WDR49: variants seen among roughly 807,000 people sequenced by gnomAD.
WDR49 encodes WD repeat domain 49, also known as cilia- and flagella-associated protein 337.
Under a neutral mutation model 119.5 loss-of-function variants are expected in WDR49, and 107 were observed. The ratio of observed to expected loss-of-function variants is 0.90; its 90% CI spans 0.77 to 1.05. WDR49 has a LOEUF of 1.05. WDR49 is among the 50% of genes least tolerant of loss of function. The probability of loss-of-function intolerance (pLI) is 0.00; values close to 1 mark genes in which losing one functional copy is unlikely to be tolerated. For missense variants in WDR49, 1,240 were observed against 1,220.5 expected, an observed-to-expected ratio of 1.02 and a Z score of -0.24; for synonymous variants, 425 against 418.8, an observed-to-expected ratio of 1.01 and a Z score of -0.18.
chr3:167,649,818 T>C (rs375690485), intron 2 of WDR49, among the ~76,000 whole-genome samples: 2 of 152,156 alleles, frequency 1.3e-5, no homozygotes, highest in Non-Finnish European at 2.9e-5. Flanking sequence ...AAAGATTTAG[T>C]AGGGCTTGGG....
chr3:167,532,047 T>C (rs1437887359), intron 12 of WDR49, among the ~76,000 whole-genome samples: 1 of 152,140 alleles, frequency 6.6e-6, no homozygotes, highest in Non-Finnish European at 1.5e-5. Context: ...GATTAGCTCT[T>C]AGTACATAAA....
chr3:167,575,713 T>C (rs1714211148), intron 8 of WDR49, among the ~76,000 whole-genome samples: 1 of 152,258 alleles, frequency 6.6e-6, no homozygotes, highest in African/African-American at 2.4e-5. Context: ...TCACTGCTCC[T>C]GTGGTCACTG....
chr3:167,562,626 G>A (rs1362303108), intron 8 of WDR49, among the ~76,000 whole-genome samples: 1 of 152,134 alleles, frequency 6.6e-6, no homozygotes, highest in East Asian at 1.9e-4. Context: ...ACATTAATTA[G>A]CATTCCATGT....
At chr3:167,646,484 G>A (rs966957969) in intron 2 of WDR49, among the ~76,000 whole-genome samples, 9 of 152,144 alleles carry the variant, frequency 5.9e-5, no homozygotes, top group African/African-American at 9.7e-5. Flanking sequence ...AAGTTAGTAC[G>A]AAGTCATGAG....
rs140883343 is a variant in WDR49, at chr3:167,524,903, C to A, written c.2605-2419G>T. ...TGGCAACATGGGCTCTTTTTCAGTT[C>A]CATATAAAATTTAAAGTAGTTTTTT... On this transcript the variant is annotated intron_variant, in intron 15 of 18. Coordinates refer to ENST00000682715, the MANE Select transcript of WDR49 (RefSeq NM_001366157.1). 2.3e-3 allele frequency among the ~76,000 whole-genome samples: 347 copies of A among 152,130 alleles called. 2 individuals are homozygous for A. Among genetic ancestry groups the A allele is most frequent in the African/African-American group, 8.2e-3 (339 of 41,510 alleles).
chr3:167,485,704 C>T (rs1306692158), intron 18 of WDR49, among the ~76,000 whole-genome samples: 1 of 151,932 alleles, frequency 6.6e-6, no homozygotes, highest in African/African-American at 2.4e-5. Context: ...CTCAGTCAGA[C>T]AAAAATAGAA....
intron 3 of WDR49, among the ~76,000 whole-genome samples, chr3:167,622,277 C>T (rs560839299): frequency 6.6e-6 from 1 of 152,136 alleles, no homozygotes; most frequent in East Asian, 1.9e-4. Context: ...TGGCTCATGT[C>T]TGTAATCCCA....
chr3:167,564,720 T>C (rs1713487242), intron 8 of WDR49, among the ~76,000 whole-genome samples: 1 of 152,218 alleles, frequency 6.6e-6, no homozygotes, highest in Non-Finnish European at 1.5e-5. Flanking sequence ...TCTCATGTGC[T>C]TCAGTTAATA....
intron 9 of WDR49, among the ~76,000 whole-genome samples, chr3:167,559,015 AC>A (rs1713108300): frequency 6.6e-6 from 1 of 152,148 alleles, no homozygotes. Flanking sequence ...AGATTACTTT[AC>A]TTAAACCCAA....
intron 3 of WDR49, among the ~76,000 whole-genome samples, chr3:167,622,252 T>C (rs1716907387): frequency 6.6e-6 from 1 of 151,956 alleles, no homozygotes; most frequent in Non-Finnish European, 1.5e-5. Flanking sequence ...AAGGAAAGTA[T>C]GTGGCTGGGT....
rs1717157710 is a variant in WDR49, at chr3:167,626,960, G to A, written c.498C>T (p.Ile166=). The A allele has an allele frequency of 7.5e-7, 1 of 1,332,640 alleles. No homozygotes were observed. Among genetic ancestry groups the A allele is most frequent in the Non-Finnish European group, 9.6e-7 (1 of 1,042,852 alleles). 82.6% of individuals were successfully genotyped at this position (1,332,640 alleles called of 1,614,324 possible). ...LTISKEGLLA[I]WGEHLKLQET... is the part of the protein sequence containing the mutation. ...CTTGCAGCTTTAAATGCTCTCCCCA[G>A]ATTGCCAATAAACCTTCTTTACTAA... Residue 166 remains isoleucine, a synonymous_variant, in exon 3 of 19, where the codon ATC becomes ATT. Coordinates refer to ENST00000682715, the MANE Select transcript of WDR49 (RefSeq NM_001366157.1).
rs1751724348 is a variant in WDR49 at position 167,505,348 on chromosome 3, GTTTC to G, written c.2839_2842del (p.Glu947HisfsTer10). 6.5e-7 allele frequency: 1 copy of G among 1,532,428 alleles called. No individual in the cohort carries two copies. Among genetic ancestry groups the G allele is most frequent in the Non-Finnish European group, 8.7e-7 (1 of 1,147,834 alleles). 94.9% of individuals were successfully genotyped at this position (1,532,428 alleles called of 1,614,324 possible). On this transcript the variant is annotated frameshift_variant, in exon 17 of 19. Transcript: ENST00000682715. LOFTEE classifies it high-confidence loss of function. ...AACTTCACCATAATAAGGTTTTTGT[GTTTC>G]TTTCATGCAGGTACTTCTTTCCTTA...
chr3:167,478,912 T>C lies in WDR49; in HGVS notation c.3116A>G (p.Glu1039Gly). ...ATTTTTCTTCACTTCACAACTTTTTTCTTGGCATAATTGCTTGGCTTTTCG... is the reference window on the plus strand; with the variant it reads ...ATTTTTCTTCACTTCACAACTTTTTCCTTGGCATAATTGCTTGGCTTTTCG... Reference protein sequence around the residue: ...HERKAKQLCQEKSCEVKKNKK With the variant: ...HERKAKQLCQGKSCEVKKNKK Residue 1039 changes from glutamate to glycine, a missense_variant, in exon 19 of 19, where the codon GAA becomes GGA. By Grantham distance (98) the Glu-to-Gly change is moderately conservative (BLOSUM62 -2). Transcript: ENST00000682715. The C allele has an allele frequency of 6.2e-7, 1 of 1,608,874 alleles. No homozygotes were observed. Among genetic ancestry groups the C allele is most frequent in the Non-Finnish European group, 8.5e-7 (1 of 1,178,888 alleles).
intron 18 of WDR49, among the ~76,000 whole-genome samples, chr3:167,495,393 T>C (rs1751314966): frequency 6.6e-6 from 1 of 152,052 alleles, no homozygotes; most frequent in Non-Finnish European, 1.5e-5. Flanking sequence ...TACATACATA[T>C]ATAATCTGAA....
At chr3:167,584,247 A>AG in intron 7 of WDR49, among the ~76,000 whole-genome samples, 1 of 152,162 alleles carries the variant, frequency 6.6e-6, no homozygotes. Flanking sequence ...TAAAATATGG[A>AG]GAAAAAAAAT....
At chr3:167,628,954 C>T (rs577707877) in intron 2 of WDR49, among the ~76,000 whole-genome samples, 2 of 152,160 alleles carry the variant, frequency 1.3e-5, no homozygotes, top group East Asian at 3.9e-4. Context: ...ATCTCTGAGG[C>T]TTTTAGAATT....
At position 167,651,270 on chromosome 3, in the gene WDR49, G is replaced by T. The variant is rs185063899; in HGVS notation, c.165+1991C>A. On this transcript the variant is annotated intron_variant, in intron 2 of 18. Coordinates refer to ENST00000682715, the MANE Select transcript of WDR49 (RefSeq NM_001366157.1). Reference sequence around the variant, plus strand: ...AAAAATGAAGATATAAAGGAATCTGGTGCCAGAATCTTGACATTTCTAAGA... The same window carrying T: ...AAAAATGAAGATATAAAGGAATCTGTTGCCAGAATCTTGACATTTCTAAGA... Among the ~76,000 whole-genome samples, 139 of 152,230 alleles carry T rather than the reference G, an allele frequency of 9.1e-4. 1 individual carries two copies. The highest frequency in any genetic ancestry group is 3.4e-3 in the Middle Eastern group (1 of 294).
chr3:167,492,139 A>G (rs1271706254), intron 18 of WDR49, among the ~76,000 whole-genome samples: 1 of 147,540 alleles, frequency 6.8e-6, no homozygotes, highest in African/African-American at 2.6e-5. Context: ...TATATTGGTA[A>G]TTGAAGTTTT....
At chr3:167,482,100 A>G (rs1197236832) in intron 18 of WDR49, among the ~76,000 whole-genome samples, 1 of 152,210 alleles carries the variant, frequency 6.6e-6, no homozygotes, top group Non-Finnish European at 1.5e-5. Flanking sequence ...ATGTTATTAG[A>G]CTTTAGAGAT....
Sources: gnomAD v4.1 joint callset for allele counts (sites outside exome capture counted in the v4.1 genomes callset) on GRCh38, gnomAD v4.1.1 for gene constraint, MANE v1.5 for transcripts, NCBI Gene and HGNC (gene_info 2026-07-23, HGNC 2026-07-21) for gene names.